The following ABCA13 variants were observed in gnomAD, a reference collection of about 807,000 sequenced individuals.
ABCA13 encodes the protein ATP binding cassette subfamily A member 13.
A neutral mutation model predicts 478.7 loss-of-function variants in ABCA13; 476 were observed. The ratio of observed to expected loss-of-function variants is 0.99; its 90% confidence interval spans 0.92 to 1.07. The LOEUF (loss-of-function observed/expected upper bound fraction) is 1.07, where lower values mean the gene tolerates loss of function less well. ABCA13 is among the 50% of genes least tolerant of loss of function. ABCA13 has a pLI of 0.00. For missense variants in ABCA13, 6,060 were observed against 5,910.6 expected (o/e 1.03, Z -0.83); for synonymous variants, 2,252 against 2,158.9 (o/e 1.04, Z -1.20).
At chr7:48,400,044 C>CTT (rs59778865) in intron 38 of ABCA13, among the ~76,000 whole-genome samples, 16 of 147,154 alleles carry the variant, frequency 1.1e-4, no homozygotes, top group Admixed American at 2.7e-4. Context: ...GTGCTTTCCT[C>CTT]TTTTTTTTTT....
rs184754780 is a variant in ABCA13, at chr7:48,558,421, C to T, written c.14355-21803C>T. Among the ~76,000 whole-genome samples, 408 of 151,602 alleles carry T rather than the reference C, an allele frequency of 2.7e-3. 1 individual carries two copies. The highest frequency in any genetic ancestry group is 9.5e-3 in the African/African-American group (391 of 41,334). ...AAGTGACTCTCCTGCCTCAGCCTCC[C>T]GAGTAACTGGGATTACAGGTGCACA... On this transcript the variant is annotated intron_variant, in intron 55 of 61. Transcript: ENST00000435803.
chr7:48,358,003 A>G lies in ABCA13; in HGVS notation c.10688+5516A>G, dbSNP rs533584427. ...CTCAAAATACAAAAATTAGCTGGGC[A>G]TGGTGGCACGCGTCTGTAATCCCAG... On this transcript the variant is annotated intron_variant, in intron 31 of 61. Coordinates refer to ENST00000435803, the MANE Select transcript of ABCA13 (RefSeq NM_152701.5). 7.3e-5 allele frequency among the ~76,000 whole-genome samples: 11 copies of G among 151,372 alleles called. 1 individual carries two copies. In the South Asian group the frequency reaches 2.1e-3, roughly 29 times the overall value.
At chr7:48,628,493 A>G (rs1011616733) in intron 59 of ABCA13, among the ~76,000 whole-genome samples, 7 of 152,240 alleles carry the variant, frequency 4.6e-5, no homozygotes, top group African/African-American at 1.7e-4. Context: ...GCAATAACAC[A>G]GAATGAGCCA....
At chr7:48,218,151 G>A (rs903950111) in intron 3 of ABCA13, among the ~76,000 whole-genome samples, 3 of 152,210 alleles carry the variant, frequency 2.0e-5, no homozygotes, top group Non-Finnish European at 2.9e-5. Context: ...GAAAAAGAAT[G>A]TAAAACCTGC....
chr7:48,239,290 G>C lies in ABCA13; in HGVS notation c.947G>C (p.Ser316Thr), dbSNP rs768234280. ...AAGATGGTGTGTTCAGTCTTGTCTA[G>C]CACATCAGAGGATGAAGCTGAGAAA... ...LEKMVCSVLS[S>T]TSEDEAEKWG... Residue 316 changes from serine (S) to threonine (T), a missense_variant, in exon 9 of 62, where the codon AGC (serine) becomes ACC (threonine). By Grantham distance (58) the Ser-to-Thr change is moderately conservative. Around this residue, in one of 3 missense-constraint regions of ABCA13, gnomAD observed 4,423 missense variants for 4,309.1 expected, o/e 1.03. Transcript: ENST00000435803. 59 of 1,613,864 alleles carry C rather than the reference G, an allele frequency of 3.7e-5. No individual in the cohort carries two copies. The Admixed American group carries it at 9.8e-4, about 27-fold the overall frequency.
intron 42 of ABCA13, among the ~76,000 whole-genome samples, chr7:48,431,375 CA>C (rs1246638568): frequency 3.3e-5 from 5 of 151,862 alleles, no homozygotes; most frequent in Non-Finnish European, 7.4e-5. Context: ...ACAACAACAA[CA>C]ACAACAACAA....
At chr7:48,271,412 C>T (rs1289015352) in intron 16 of ABCA13, among the ~76,000 whole-genome samples, 1 of 152,174 alleles carries the variant, frequency 6.6e-6, no homozygotes, top group South Asian at 2.1e-4. Context: ...GTTTCTAATG[C>T]ACTCCACTAT....
intron 15 of ABCA13, among the ~76,000 whole-genome samples, chr7:48,260,803 T>C (rs533411533): frequency 1.3e-5 from 2 of 151,986 alleles, no homozygotes; most frequent in Non-Finnish European, 2.9e-5. Context: ...CAGGGGTCAC[T>C]CTCTGGTGAT....
chr7:48,546,210 A>G lies in ABCA13; in HGVS notation c.14354+17865A>G, dbSNP rs1049095320. ...ATTAAATGTAAATATGTTAAAATCAAATCAAATTATAATTTTTTTCTCAGC... is the reference window on the plus strand; with the variant it reads ...ATTAAATGTAAATATGTTAAAATCAGATCAAATTATAATTTTTTTCTCAGC... On this transcript the variant is annotated intron_variant, in intron 55 of 61. Coordinates refer to ENST00000435803, the MANE Select transcript of ABCA13 (RefSeq NM_152701.5). Among the ~76,000 whole-genome samples the G allele has an allele frequency of 4.0e-5, 6 of 151,832 alleles. No individual in the cohort carries two copies. In the South Asian group the frequency reaches 1.2e-3, roughly 32 times the overall value.
intron 26 of ABCA13, 123 bp from the exon 27 acceptor site, chr7:48,317,034 G>A: frequency 1.7e-6 from 2 of 1,181,042 alleles, no homozygotes; most frequent in Admixed American, 2.8e-5. Flanking sequence ...AGTTCAGAGT[G>A]GTGTCAGAAA....
intron 3 of ABCA13, among the ~76,000 whole-genome samples, chr7:48,216,191 A>C (rs975848743): frequency 1.3e-5 from 2 of 152,166 alleles, no homozygotes; most frequent in African/African-American, 4.8e-5. Flanking sequence ...ACGTGGCTCT[A>C]CCATTTTGCT....
intron 41 of ABCA13, among the ~76,000 whole-genome samples, chr7:48,417,671 G>T (rs1408542322): frequency 6.6e-6 from 1 of 152,108 alleles, no homozygotes; most frequent in Non-Finnish European, 1.5e-5. Flanking sequence ...TACAATTGAT[G>T]AACCGACATG....
At chr7:48,379,066 T>TA (rs1200746829) in intron 35 of ABCA13, among the ~76,000 whole-genome samples, 1 of 152,064 alleles carries the variant, frequency 6.6e-6, no homozygotes, top group Non-Finnish European at 1.5e-5. Flanking sequence ...TTACAGAATT[T>TA]AAAAAAAATC....
chr7:48,563,175 T>A (rs926400710), intron 55 of ABCA13, among the ~76,000 whole-genome samples: 9 of 152,168 alleles, frequency 5.9e-5, no homozygotes, highest in Non-Finnish European at 1.3e-4. Flanking sequence ...TTTTCCCCAG[T>A]CATGCAGCAT....
chr7:48,350,617 T>G, intron 29 of ABCA13, 26 bp from the exon 30 acceptor site: 1 of 1,543,296 alleles, frequency 6.5e-7, no homozygotes. Flanking sequence ...GAAGTTGATG[T>G]GTCCTAATCT....
At chr7:48,309,106 A>G (rs1311781333) in intron 23 of ABCA13, among the ~76,000 whole-genome samples, 1 of 149,906 alleles carries the variant, frequency 6.7e-6, no homozygotes, top group Non-Finnish European at 1.5e-5. Flanking sequence ...TGACTACTAC[A>G]CCATTATTTA....
At chr7:48,558,919 C>T (rs1786151551) in intron 55 of ABCA13, among the ~76,000 whole-genome samples, 1 of 152,120 alleles carries the variant, frequency 6.6e-6, no homozygotes, top group Non-Finnish European at 1.5e-5. Context: ...TGTTTGTGCC[C>T]ATATTTTTGG....
intron 3 of ABCA13, among the ~76,000 whole-genome samples, chr7:48,208,440 G>C (rs1479363176): frequency 6.6e-6 from 1 of 152,004 alleles, no homozygotes; most frequent in Non-Finnish European, 1.5e-5. Flanking sequence ...CCATGAACAC[G>C]GAACATCTTT....
intron 27 of ABCA13, among the ~76,000 whole-genome samples, chr7:48,330,473 GTCCA>G (rs953570289): frequency 2.3e-4 from 24 of 103,052 alleles, no homozygotes; most frequent in Middle Eastern, 9.1e-3. Flanking sequence ...TCATCTGTTT[GTCCA>G]TCCATCCGTC....
Sources: allele counts gnomAD v4.1 joint callset (sites outside exome capture counted in the v4.1 genomes callset), GRCh38; gene constraint gnomAD v4.1.1; regional missense constraint gnomAD v4.1.1; transcripts MANE v1.5; gene names NCBI Gene and HGNC (gene_info 2026-07-23, HGNC 2026-07-21).